The following STPG2 variants were observed in gnomAD, a reference collection of about 807,000 sequenced individuals.
STPG2 encodes sperm-tail PG-rich repeat-containing protein 2.
STPG2 carries 56 observed loss-of-function variants against 54.2 expected under a neutral mutation model. The observed-to-expected ratio is 1.03, with a 90% CI of 0.83 to 1.29. The LOEUF is 1.29. Ranked by LOEUF, STPG2 falls within the 50% of genes most tolerant of loss-of-function variation. The pLI is 0.00. For missense variants in STPG2, 596 were observed against 544.9 expected (o/e 1.09, Z -0.93); for synonymous variants, 200 against 181.8 (o/e 1.10, Z -0.81).
intron 5 of STPG2, among the ~76,000 whole-genome samples, chr4:98,019,415 T>G (rs945030347): frequency 7.9e-5 from 12 of 151,902 alleles, no homozygotes; most frequent in African/African-American, 2.4e-4. Context: ...TTTTGGTTAC[T>G]GTAACCTTGT....
intron 10 of STPG2, among the ~76,000 whole-genome samples, chr4:97,622,029 ATTAT>A (rs1488970583): frequency 2.6e-5 from 4 of 152,156 alleles, no homozygotes; most frequent in Non-Finnish European, 4.4e-5. Flanking sequence ...AGACCACATG[ATTAT>A]TTATCTCAAT....
At chr4:97,668,858 G>A (rs1722612331) in intron 10 of STPG2, among the ~76,000 whole-genome samples, 1 of 151,970 alleles carries the variant, frequency 6.6e-6, no homozygotes, top group Non-Finnish European at 1.5e-5. Flanking sequence ...ATCCTCATAA[G>A]AAAAATGAAA....
At chr4:97,791,142 G>C (rs192107383) in intron 9 of STPG2, among the ~76,000 whole-genome samples, 7 of 152,084 alleles carry the variant, frequency 4.6e-5, no homozygotes, top group Non-Finnish European at 8.8e-5. Context: ...AAAACCTTGT[G>C]GGTAAGGTAT....
chr4:97,624,321 T>C (rs1249157023), intron 10 of STPG2, among the ~76,000 whole-genome samples: 1 of 152,224 alleles, frequency 6.6e-6, no homozygotes, highest in Non-Finnish European at 1.5e-5. Context: ...GACTTTTTAA[T>C]AATTGCCATT....
intron 10 of STPG2, among the ~76,000 whole-genome samples, chr4:97,593,515 T>G (rs1733200158): frequency 2.0e-5 from 3 of 152,066 alleles, no homozygotes; most frequent in South Asian, 2.1e-4. Context: ...CACCTCCCCA[T>G]GCCAACACCA....
chr4:98,137,672 C>T (rs919372089), intron 1 of STPG2, among the ~76,000 whole-genome samples: 1 of 151,566 alleles, frequency 6.6e-6, no homozygotes, highest in African/African-American at 2.4e-5. Context: ...AGCAGGGCCC[C>T]TAAATGAATC....
intron 10 of STPG2, among the ~76,000 whole-genome samples, chr4:97,623,148 A>T (rs1463332124): frequency 6.6e-6 from 1 of 152,170 alleles, no homozygotes; most frequent in East Asian, 1.9e-4. Flanking sequence ...GTAAAGCCTA[A>T]AACTATAAAA....
intron 9 of STPG2, among the ~76,000 whole-genome samples, chr4:97,762,591 A>G (rs893378340): frequency 6.6e-6 from 1 of 152,148 alleles, no homozygotes; most frequent in Non-Finnish European, 1.5e-5. Context: ...TCAGGGGAAA[A>G]CATACAGGGA....
At chr4:97,947,247 C>T (rs542296639) in intron 7 of STPG2, among the ~76,000 whole-genome samples, 4 of 152,204 alleles carry the variant, frequency 2.6e-5, no homozygotes, top group African/African-American at 9.6e-5. Flanking sequence ...TGAGACATTA[C>T]TGAATTTGAT....
At chr4:97,582,960 T>TA (rs1732899082) in intron 10 of STPG2, among the ~76,000 whole-genome samples, 1 of 152,010 alleles carries the variant, frequency 6.6e-6, no homozygotes, top group African/African-American at 2.4e-5. Context: ...GTAGTTTGCT[T>TA]ATCGGTAAAA....
At chr4:97,548,180 G>A (rs536054475) in intron 4 of STPG2, among the ~76,000 whole-genome samples, 94 of 140,140 alleles carry the variant, frequency 6.7e-4, no homozygotes, top group Non-Finnish European at 1.2e-3. Context: ...CAAAATACAT[G>A]AGTAGTCTGC....
At chr4:97,545,753 G>C (rs2148864589) in intron 4 of STPG2, among the ~76,000 whole-genome samples, 1 of 151,882 alleles carries the variant, frequency 6.6e-6, no homozygotes, top group South Asian at 2.1e-4. Flanking sequence ...AACAATATGA[G>C]GTAATTAAGA....
chr4:98,021,145 T>G (rs1320820423), intron 5 of STPG2, among the ~76,000 whole-genome samples: 2 of 149,826 alleles, frequency 1.3e-5, no homozygotes, highest in Non-Finnish European at 3.0e-5. Flanking sequence ...TGCTTTCTCT[T>G]GTGGGCATTT....
intron 10 of STPG2, among the ~76,000 whole-genome samples, chr4:97,615,647 A>G (rs1167460299): frequency 2.0e-5 from 3 of 152,014 alleles, no homozygotes; most frequent in Non-Finnish European, 2.9e-5. Flanking sequence ...TATATAATGT[A>G]TATTTTTACC....
chr4:98,010,837 G>T (rs929655572), intron 5 of STPG2, among the ~76,000 whole-genome samples: 4 of 152,056 alleles, frequency 2.6e-5, no homozygotes, highest in Non-Finnish European at 4.4e-5. Context: ...TACATAAAAT[G>T]TCTGAAGTTA....
At chr4:97,771,466 G>T (rs1726217690) in intron 9 of STPG2, among the ~76,000 whole-genome samples, 1 of 152,112 alleles carries the variant, frequency 6.6e-6, no homozygotes, top group South Asian at 2.1e-4. Context: ...TTGTCAGTTT[G>T]CCCAGACCAG....
At chr4:97,920,526 A>C (rs985502993) in intron 8 of STPG2, among the ~76,000 whole-genome samples, 1 of 152,196 alleles carries the variant, frequency 6.6e-6, no homozygotes, top group Admixed American at 6.5e-5. Context: ...GGCAGGTGTC[A>C]GTGGATTCTC....
chr4:97,829,653 G>C (rs1728383276), intron 9 of STPG2, among the ~76,000 whole-genome samples: 1 of 152,098 alleles, frequency 6.6e-6, no homozygotes, highest in African/African-American at 2.4e-5. Context: ...TTGTTAAATA[G>C]AATAACCAGT....
Position 97,768,773 on chromosome 4 carries a change from C to A in STPG2, c.1205-55959G>T, listed in dbSNP as rs553859300. 3.3e-5 allele frequency among the ~76,000 whole-genome samples: 5 copies of A among 152,106 alleles called. No homozygotes were observed. In the South Asian group the frequency reaches 1.0e-3, roughly 32 times the overall value. ...CTGGAATGTAGTGGCACGATCTCAG[C>A]TCACTGCAATCTCCACCTCCCGAGT... On this transcript the variant is annotated intron_variant, in intron 9 of 10. Transcript: ENST00000295268.
Sources: gnomAD v4.1 joint callset for allele counts (sites outside exome capture counted in the v4.1 genomes callset) on GRCh38, gnomAD v4.1.1 for gene constraint, MANE v1.5 for transcripts, NCBI Gene and HGNC (gene_info 2026-07-23, HGNC 2026-07-21) for gene names.